ITGAV: variants seen among roughly 807,000 people sequenced by gnomAD.
The protein encoded by ITGAV is integrin subunit alpha V.
ITGAV carries 76 observed loss-of-function variants against 143.8 expected under a neutral mutation model. That is an observed-to-expected ratio of 0.53 (90% CI 0.44 to 0.64). The LOEUF is 0.64. Ranked by LOEUF, ITGAV falls within the 30% of genes least tolerant of loss-of-function variation. The pLI is 0.00. For missense variants in ITGAV, 1,193 were observed against 1,274.7 expected, an observed-to-expected ratio of 0.94 and a Z score of 0.98; for synonymous variants, 453 against 446.7, an observed-to-expected ratio of 1.01 and a Z score of -0.18.
intron 2 of ITGAV, among the ~76,000 whole-genome samples, chr2:186,611,985 AT>A (rs1687229539): frequency 6.6e-6 from 1 of 152,218 alleles, no homozygotes; most frequent in Non-Finnish European, 1.5e-5. Flanking sequence ...ATTACTTTCA[AT>A]GCTTTGTAAA....
intron 1 of ITGAV, chr2:186,600,067 A>C (rs892913010): frequency 5.1e-5 from 23 of 454,150 alleles, no homozygotes; most frequent in Non-Finnish European, 8.1e-5. Context: ...TAAAAAACTC[A>C]GTGGCTTCAA....
Position 186,630,875 on chromosome 2 carries a change from G to T in ITGAV, c.585+17G>T. On this transcript the variant is annotated intron_variant, in intron 5 of 29. Coordinates refer to ENST00000261023, the MANE Select transcript of ITGAV (RefSeq NM_002210.5). ...TTTACTAAAGTAAGTTCTTATTTAAGACTGAATGAGATTCACATCTACCTT... is the reference window on the plus strand; with the variant it reads ...TTTACTAAAGTAAGTTCTTATTTAATACTGAATGAGATTCACATCTACCTT... 7.2e-7 allele frequency: 1 copy of T among 1,394,780 alleles called. No homozygotes were observed. Among genetic ancestry groups the T allele is most frequent in the South Asian group, 1.2e-5 (1 of 84,578 alleles). The allele number at this position is 1,394,780 out of a possible 1,614,324, so 86.4% of individuals were successfully genotyped here.
At chr2:186,603,579 A>G (rs1339611315) in intron 2 of ITGAV, among the ~76,000 whole-genome samples, 2 of 152,226 alleles carry the variant, frequency 1.3e-5, no homozygotes, top group Admixed American at 1.3e-4. Context: ...TAAATGGAGA[A>G]ATACCTGTGA....
At chr2:186,615,257 T>A (rs1289979055) in intron 2 of ITGAV, among the ~76,000 whole-genome samples, 1 of 152,172 alleles carries the variant, frequency 6.6e-6, no homozygotes, top group Non-Finnish European at 1.5e-5. Context: ...ATAATGCTAC[T>A]ATGAACATTC....
chr2:186,663,579 A>G (rs993117638), intron 18 of ITGAV, among the ~76,000 whole-genome samples, 189 bp from the exon 19 acceptor site: 5 of 152,194 alleles, frequency 3.3e-5, no homozygotes, highest in African/African-American at 9.6e-5. Flanking sequence ...TTGACTGGCT[A>G]CACTGACCTG....
chr2:186,599,600 T>A (rs764133388), intron 1 of ITGAV, among the ~76,000 whole-genome samples: 18 of 152,310 alleles, frequency 1.2e-4, no homozygotes, highest in Admixed American at 3.9e-4. Flanking sequence ...GCTCAAGCCA[T>A]CCTCCTGTCT....
intron 2 of ITGAV, among the ~76,000 whole-genome samples, chr2:186,619,566 C>CA (rs11353811): frequency 1.3e-5 from 2 of 151,994 alleles, no homozygotes; most frequent in African/African-American, 4.8e-5. Context: ...GTTCCCAACA[C>CA]AAAAAAACGT....
intron 16 of ITGAV, among the ~76,000 whole-genome samples, chr2:186,655,208 T>C (rs999627509): frequency 1.3e-5 from 2 of 152,186 alleles, no homozygotes; most frequent in Non-Finnish European, 2.9e-5. Context: ...GAGAGCAAGA[T>C]AGGCAAGATA....
At position 186,675,896 on chromosome 2, in the gene ITGAV, T is replaced by G; in HGVS notation, c.2897T>G (p.Leu966Arg). Residue 966 changes from leucine (L) to arginine (R), a missense_variant, in exon 28 of 30, where the codon CTT becomes CGT. Coordinates refer to ENST00000261023, the MANE Select transcript of ITGAV (RefSeq NM_002210.5). Reference sequence around the variant, plus strand: ...GTCATAGAGTTTCCTTATAAGAATCTTCCAATTGAGGATATCACCAACTCC... The same window carrying G: ...GTCATAGAGTTTCCTTATAAGAATCGTCCAATTGAGGATATCACCAACTCC... ...FNVIEFPYKN[L>R]PIEDITNSTL... 1 of 1,603,616 alleles carries G rather than the reference T, an allele frequency of 6.2e-7. No individual in the cohort carries two copies. Among genetic ancestry groups the G allele is most frequent in the Non-Finnish European group, 8.5e-7 (1 of 1,170,918 alleles).
At chr2:186,665,740 G>C (rs1395270726) in intron 21 of ITGAV, among the ~76,000 whole-genome samples, 1 of 152,192 alleles carries the variant, frequency 6.6e-6, no homozygotes, top group Non-Finnish European at 1.5e-5. Flanking sequence ...ATACCTTGTA[G>C]AATTTCTAGT....
intron 13 of ITGAV, among the ~76,000 whole-genome samples, chr2:186,647,100 G>A (rs1441479579): frequency 6.6e-6 from 1 of 152,152 alleles, no homozygotes; most frequent in East Asian, 1.9e-4. Context: ...AGTTTCTCCT[G>A]TAGTCTTTAA....
chr2:186,621,463 C>G (rs1317842577), intron 2 of ITGAV, among the ~76,000 whole-genome samples: 2 of 152,138 alleles, frequency 1.3e-5, no homozygotes, highest in Non-Finnish European at 2.9e-5. Flanking sequence ...AACATTATTA[C>G]TGTTACCTAC....
chr2:186,596,505 A>C (rs1272859872), intron 1 of ITGAV, among the ~76,000 whole-genome samples: 4 of 149,072 alleles, frequency 2.7e-5, no homozygotes, highest in Non-Finnish European at 4.4e-5. Context: ...GCTAGAGTGC[A>C]GTGGCACAAT....
intron 10 of ITGAV, 77 bp downstream of exon 10, chr2:186,638,542 A>C (rs980958181): frequency 1.4e-5 from 15 of 1,071,846 alleles, no homozygotes; most frequent in Middle Eastern, 3.0e-4. Flanking sequence ...TGCGAAATAA[A>C]ACTGTAAAAA....
intron 28 of ITGAV, chr2:186,676,129 G>A (rs1417369605): frequency 2.1e-6 from 1 of 469,974 alleles, no homozygotes; most frequent in African/African-American, 2.0e-5. Flanking sequence ...TTTTAGTTTA[G>A]CATCTTGTCC....
intron 10 of ITGAV, among the ~76,000 whole-genome samples, chr2:186,640,419 G>A (rs77238834): frequency 0.014 from 2,200 of 152,270 alleles, 24 homozygotes; most frequent in Middle Eastern, 0.024. Context: ...TTAAACAGTA[G>A]TAGTAGTTAC....
intron 16 of ITGAV, 23 bp downstream of exon 16, chr2:186,654,731 T>C (rs557107713): frequency 1.0e-5 from 12 of 1,191,296 alleles, no homozygotes; most frequent in Admixed American, 3.6e-5. Context: ...TGAAAAATCA[T>C]ATTATTTTAA....
chr2:186,667,934 T>G (rs1003565943), intron 24 of ITGAV, 158 bp downstream of exon 24: 1 of 384,584 alleles, frequency 2.6e-6, no homozygotes, highest in African/African-American at 2.0e-5. Flanking sequence ...TCCCTATACA[T>G]AAATTCATTT....
intron 2 of ITGAV, among the ~76,000 whole-genome samples, chr2:186,610,188 A>G (rs1250293475): frequency 6.6e-6 from 1 of 152,178 alleles, no homozygotes; most frequent in African/African-American, 2.4e-5. Context: ...ACACGACTTT[A>G]AAAAATGTGG....
Sources: gnomAD v4.1 joint callset for allele counts (sites outside exome capture counted in the v4.1 genomes callset) on GRCh38, gnomAD v4.1.1 for gene constraint, MANE v1.5 for transcripts, NCBI Gene and HGNC (gene_info 2026-07-23, HGNC 2026-07-21) for gene names.